Variants in UGT1A9 observed in about 807,000 individuals in gnomAD.
The protein encoded by UGT1A9 is UDP glucuronosyltransferase family 1 member A9.
Under a neutral mutation model 45.0 loss-of-function variants are expected in UGT1A9, and 35 were observed. That is an observed-to-expected ratio of 0.78 (90% CI 0.59 to 1.03). UGT1A9 has a LOEUF of 1.03. UGT1A9 is among the 50% of genes least tolerant of loss of function. UGT1A9 has a pLI of 0.00. For synonymous variants in UGT1A9, 278 were observed against 250.6 expected (o/e 1.11, Z -1.03); for missense variants, 687 against 666.6 (o/e 1.03, Z -0.34).
chr2:233,769,562 A>C lies in UGT1A9; in HGVS notation c.1295+1123A>C. The C allele has an allele frequency of 6.2e-7, 1 of 1,612,906 alleles. No homozygotes were observed. The highest frequency in any genetic ancestry group is 8.5e-7 in the Non-Finnish European group (1 of 1,179,830). ...GCAGCAGTCAGGAAGACAGATGTGA[A>C]GAGCTGGAGCATGTTCAGATGAGAG... On this transcript the variant is annotated intron_variant, in intron 4 of 4. Transcript: ENST00000354728. The surrounding 1 kb of genome is among the most constrained non-coding windows in gnomAD (Gnocchi z 4.4).
At chr2:233,675,410 A>G (rs985518668) in intron 1 of UGT1A9, among the ~76,000 whole-genome samples, 1 of 152,194 alleles carries the variant, frequency 6.6e-6, no homozygotes. Flanking sequence ...GATGAGTTCC[A>G]ACAGAATTAA....
chr2:233,756,076 G>T (rs915859102), intron 1 of UGT1A9: 19 of 152,212 alleles, frequency 1.2e-4, no homozygotes, highest in African/African-American at 2.4e-5. Flanking sequence ...GAATGACAAT[G>T]AGAAAATCAA....
chr2:233,709,294 T>C (rs1249684185), intron 1 of UGT1A9, among the ~76,000 whole-genome samples: 1 of 152,196 alleles, frequency 6.6e-6, no homozygotes, highest in Non-Finnish European at 1.5e-5. Flanking sequence ...CAATTAATGA[T>C]ATTTTCTATT....
chr2:233,747,196 T>C, intron 1 of UGT1A9: 1 of 1,604,480 alleles, frequency 6.2e-7, no homozygotes, highest in Non-Finnish European at 8.5e-7. Flanking sequence ...CAGTCAGCTG[T>C]CCGTGTCTTC....
At position 233,768,335 on chromosome 2, in the gene UGT1A9, T is replaced by C. The variant is rs754652167; in HGVS notation, c.1191T>C (p.Asn397=). 1.9e-6 allele frequency: 3 copies of C among 1,614,076 alleles called. No homozygotes were observed. The highest frequency in any genetic ancestry group is 2.5e-6 in the Non-Finnish European group (3 of 1,180,042). Residue 397 remains asparagine, a synonymous_variant, in exon 4 of 5, where the codon AAT becomes AAC. Transcript: ENST00000354728. ...CCTTGTTTGGTGATCAGATGGACAA[T>C]GCAAAGCGCATGGAGACTAAGGGAG... ...MMPLFGDQMD[N]AKRMETKGAG...
intron 1 of UGT1A9, among the ~76,000 whole-genome samples, chr2:233,763,956 G>A (rs1159458395): frequency 1.3e-5 from 2 of 152,194 alleles, no homozygotes; most frequent in Admixed American, 1.3e-4. Context: ...GAGCAGGGAA[G>A]GTTGAGATAT....
At chr2:233,771,009 A>G (rs1251253785) in intron 4 of UGT1A9, 3 of 152,198 alleles carry the variant, frequency 2.0e-5, no homozygotes, top group Non-Finnish European at 4.4e-5. Flanking sequence ...TGGCAAAAGC[A>G]GGAGCGAGAG....
chr2:233,676,053 G>A (rs2074344673), intron 1 of UGT1A9, among the ~76,000 whole-genome samples: 1 of 152,152 alleles, frequency 6.6e-6, no homozygotes, highest in Non-Finnish European at 1.5e-5. Flanking sequence ...AATTGACTAG[G>A]TGCCAAAGTT....
At chr2:233,714,888 A>ATCTTTTTTTTTT (rs148944858) in intron 1 of UGT1A9, among the ~76,000 whole-genome samples, 15,215 of 151,802 alleles carry the variant, frequency 0.1, 867 homozygotes, top group East Asian at 0.2. Flanking sequence ...AAATTTTTCT[A>ATCTTTTTTTTTT]TCTTTTGAGA....
At position 233,673,302 on chromosome 2, in the gene UGT1A9, C is replaced by T. The variant is rs1228379042; in HGVS notation, c.855+513C>T. 2.0e-5 allele frequency among the ~76,000 whole-genome samples: 3 copies of T among 152,052 alleles called. No homozygotes were observed. In the East Asian group the frequency reaches 5.8e-4, roughly 29 times the overall value. ...TTATAAATACCTTTATAGACCAATA[C>T]AGACAGATTTGACAAGTTCTATTAA... On this transcript the variant is annotated intron_variant, in intron 1 of 4. Transcript: ENST00000354728.
intron 4 of UGT1A9, 146 bp downstream of exon 4, chr2:233,768,585 T>C (rs35500060): frequency 1.2e-4 from 36 of 308,386 alleles, no homozygotes; most frequent in Middle Eastern, 1.5e-3. Context: ...ATTTCTTCTT[T>C]TTTTTTTTTT....
chr2:233,733,214 A>G (rs920142608), intron 1 of UGT1A9, among the ~76,000 whole-genome samples: 2 of 152,180 alleles, frequency 1.3e-5, no homozygotes, highest in African/African-American at 4.8e-5. Flanking sequence ...TTGGGCTGAG[A>G]CAATGGGGTT....
intron 1 of UGT1A9, among the ~76,000 whole-genome samples, chr2:233,686,716 G>A (rs1484687692): frequency 6.6e-6 from 1 of 152,080 alleles, no homozygotes; most frequent in Non-Finnish European, 1.5e-5. Flanking sequence ...CCTCCCACCG[G>A]CTATGAAGGT....
intron 1 of UGT1A9, among the ~76,000 whole-genome samples, chr2:233,684,966 G>A (rs543778082): frequency 2.0e-4 from 30 of 152,256 alleles, no homozygotes; most frequent in Non-Finnish European, 3.8e-4. Flanking sequence ...TGAAAAGAAA[G>A]CATTGCTTGA....
chr2:233,717,406 G>A (rs1313287999), intron 1 of UGT1A9, among the ~76,000 whole-genome samples: 2 of 152,170 alleles, frequency 1.3e-5, no homozygotes, highest in African/African-American at 4.8e-5. Flanking sequence ...TCCTGCATAT[G>A]CCTCCCTTGA....
chr2:233,676,966 A>G (rs1192992636), intron 1 of UGT1A9, among the ~76,000 whole-genome samples: 1 of 152,112 alleles, frequency 6.6e-6, no homozygotes, highest in African/African-American at 2.4e-5. Flanking sequence ...TAGCTGTGTA[A>G]TAATCTATAA....
At chr2:233,750,052 T>C (rs1170416516) in intron 1 of UGT1A9, among the ~76,000 whole-genome samples, 1 of 151,744 alleles carries the variant, frequency 6.6e-6, no homozygotes, top group Non-Finnish European at 1.5e-5. Context: ...AATGTGGAAG[T>C]GACTTTGGAA....
At chr2:233,752,762 C>CA (rs1695055217) in intron 1 of UGT1A9, among the ~76,000 whole-genome samples, 1 of 152,222 alleles carries the variant, frequency 6.6e-6, no homozygotes, top group Non-Finnish European at 1.5e-5. Flanking sequence ...AACAAACAAA[C>CA]AAACAAACAA....
intron 1 of UGT1A9, among the ~76,000 whole-genome samples, chr2:233,756,700 TG>T (rs1321231397): frequency 2.0e-5 from 3 of 152,278 alleles, no homozygotes; most frequent in South Asian, 2.1e-4. Flanking sequence ...CGATGAATTT[TG>T]GGGGGACTTT....
Sources: gnomAD v4.1 joint callset for allele counts (sites outside exome capture counted in the v4.1 genomes callset) on GRCh38, gnomAD v4.1.1 for gene constraint, Gnocchi (gnomAD v3.1) non-coding constraint, MANE v1.5 for transcripts, NCBI Gene and HGNC (gene_info 2026-07-23, HGNC 2026-07-21) for gene names.